HSF2BP: variants seen among roughly 807,000 people sequenced by gnomAD.
HSF2BP encodes the protein heat shock transcription factor 2 binding protein.
Under a neutral mutation model 35.0 loss-of-function variants are expected in HSF2BP, and 35 were observed. That is an observed-to-expected ratio of 1.00 (90% CI 0.76 to 1.32). HSF2BP has a LOEUF of 1.32. Ranked by LOEUF, HSF2BP falls within the 40% of genes most tolerant of loss-of-function variation. The probability of loss-of-function intolerance (pLI) is 0.00; values close to 1 mark genes in which losing one functional copy is unlikely to be tolerated. For missense variants in HSF2BP, 326 were observed against 321.7 expected, an observed-to-expected ratio of 1.01 and a Z score of -0.10; for synonymous variants, 114 against 117.4, an observed-to-expected ratio of 0.97 and a Z score of 0.18.
At position 43,613,839 on chromosome 21, in the gene HSF2BP, T is replaced by C. The variant is rs912010778; in HGVS notation, c.683A>G (p.Lys228Arg). 1.9e-6 allele frequency: 3 copies of C among 1,606,930 alleles called. No individual in the cohort carries two copies. Among genetic ancestry groups the C allele is most frequent in the South Asian group, 1.1e-5 (1 of 90,914 alleles). Reference protein sequence around the residue: ...LGDLKPGQCTKLKVLMLMSLY... With the variant: ...LGDLKPGQCTRLKVLMLMSLY... The stretch of plus-strand genomic sequence containing the variant: ...ACATTATCCACCATACACTTTGAGT[T>C]TGGTACACTGTCCTGGCTTCAAGTC... The change falls in exon 7 of 9, where the codon AAA becomes AGA. Residue 228 changes from lysine (K) to arginine (R), a missense_variant. Lys to Arg is a conservative substitution (Grantham distance 26, BLOSUM62 2). Coordinates refer to ENST00000291560, the MANE Select transcript of HSF2BP (RefSeq NM_007031.2).
At chr21:43,585,639 C>G (rs576856671) in intron 8 of HSF2BP, among the ~76,000 whole-genome samples, 1 of 149,338 alleles carries the variant, frequency 6.7e-6, no homozygotes, top group East Asian at 2.0e-4. Flanking sequence ...GACCAAGACT[C>G]TGTCTCAAAA....
chr21:43,611,513 C>CA (rs2082204240), intron 7 of HSF2BP, among the ~76,000 whole-genome samples: 1 of 152,202 alleles, frequency 6.6e-6, no homozygotes, highest in Non-Finnish European at 1.5e-5. Flanking sequence ...ACTAAACCAG[C>CA]AGAGAGTTTA....
chr21:43,575,018 A>G (rs2081624952), intron 8 of HSF2BP, among the ~76,000 whole-genome samples: 1 of 152,234 alleles, frequency 6.6e-6, no homozygotes, highest in East Asian at 1.9e-4. Context: ...ACCAGGGCAC[A>G]GGAGCAGCAG....
At chr21:43,621,989 G>A (rs528383865) in intron 6 of HSF2BP, among the ~76,000 whole-genome samples, 5 of 152,156 alleles carry the variant, frequency 3.3e-5, no homozygotes, top group African/African-American at 7.2e-5. Flanking sequence ...ATATAAACAC[G>A]TAAATTGAGA....
At chr21:43,613,156 G>C (rs137991460) in intron 7 of HSF2BP, among the ~76,000 whole-genome samples, 1 of 152,186 alleles carries the variant, frequency 6.6e-6, no homozygotes. Flanking sequence ...TAGCAGAAGA[G>C]GAAGTCTCAG....
intron 2 of HSF2BP, 45 bp downstream of exon 2, chr21:43,658,016 C>T: frequency 1.3e-6 from 2 of 1,534,968 alleles, no homozygotes; most frequent in Non-Finnish European, 1.7e-6. Context: ...GAGCGAATGG[C>T]GACGGTTCAA....
the HSF2BP span, among the ~76,000 whole-genome samples, chr21:43,494,964 G>C: frequency 9.0e-6 from 1 of 111,390 alleles, no homozygotes; most frequent in East Asian, 2.2e-4. Context: ...AGGGGGATGT[G>C]TGTGTACGCA....
Position 43,658,292 on chromosome 21 carries a change from TGG to T in HSF2BP, c.-198_-197del, listed in dbSNP as rs1209875232. On this transcript the variant is annotated 5_prime_UTR_variant, in exon 2 of 9. Coordinates refer to ENST00000291560, the MANE Select transcript of HSF2BP (RefSeq NM_007031.2). Reference sequence around the variant, plus strand: ...TGGCGAGGTCCCTCTTTGGCTCTTCTGGCTTAGCCGGGGTTTTAAACTTGTTA... The same window carrying T: ...TGGCGAGGTCCCTCTTTGGCTCTTCTCTTAGCCGGGGTTTTAAACTTGTTA... The T allele has an allele frequency of 3.3e-6, 2 of 607,762 alleles. No individual in the cohort carries two copies. The highest frequency in any genetic ancestry group is 5.5e-6 in the Non-Finnish European group (2 of 360,784). 37.6% of individuals were successfully genotyped at this position (607,762 alleles called of 1,614,324 possible). A position where few individuals can be genotyped will look rare whatever the true frequency, so the allele number is the denominator to read the frequency against.
chr21:43,625,844 T>C (rs768938558), intron 6 of HSF2BP, among the ~76,000 whole-genome samples: 3 of 152,340 alleles, frequency 2.0e-5, no homozygotes, highest in Non-Finnish European at 4.4e-5. Context: ...ACAGCCGCGC[T>C]GAGCTTGAAT....
chr21:43,653,064 G>A (rs1360939931), intron 3 of HSF2BP, among the ~76,000 whole-genome samples: 1 of 152,006 alleles, frequency 6.6e-6, no homozygotes, highest in Non-Finnish European at 1.5e-5. Context: ...GAACCCAGGG[G>A]GCAGAGGTTG....
chr21:43,647,948 A>C (rs917182280), intron 3 of HSF2BP, among the ~76,000 whole-genome samples: 4 of 151,710 alleles, frequency 2.6e-5, no homozygotes, highest in African/African-American at 4.8e-5. Context: ...AAAAAAAAAA[A>C]AAAACTAAAA....
At chr21:43,608,285 C>T (rs770105606) in intron 7 of HSF2BP, among the ~76,000 whole-genome samples, 26 of 152,082 alleles carry the variant, frequency 1.7e-4, no homozygotes, top group Non-Finnish European at 3.2e-4. Flanking sequence ...AAAAAGCAGG[C>T]AAAGGGCAAG....
intron 3 of HSF2BP, among the ~76,000 whole-genome samples, chr21:43,653,531 G>A (rs2082825124): frequency 6.6e-6 from 1 of 152,250 alleles, no homozygotes; most frequent in South Asian, 2.1e-4. Flanking sequence ...AGATTAGGCA[G>A]TGACTCTGAG....
intron 8 of HSF2BP, among the ~76,000 whole-genome samples, chr21:43,572,400 G>T (rs1355464676): frequency 6.6e-6 from 1 of 152,216 alleles, no homozygotes; most frequent in Non-Finnish European, 1.5e-5. Context: ...TAAGCTTGGA[G>T]AAGTGGCCTG....
intron 8 of HSF2BP, 130 bp downstream of exon 8, chr21:43,592,095 T>C (rs533832966): frequency 6.4e-6 from 4 of 623,964 alleles, no homozygotes; most frequent in Admixed American, 5.5e-5. Flanking sequence ...AAATATAGTA[T>C]ATAGAGAGGA....
chr21:43,582,113 A>ATGAGGGCCTGCTGTGGGGG (rs2081753075), intron 8 of HSF2BP, among the ~76,000 whole-genome samples: 2 of 15,438 alleles, frequency 1.3e-4, no homozygotes, highest in Non-Finnish European at 2.2e-4. Flanking sequence ...TGCTGTGGGG[A>ATGAGGGCCTGCTGTGGGGG]ATGAGGCCCT....
intron 8 of HSF2BP, 44 bp downstream of exon 8, chr21:43,592,181 G>T: frequency 1.5e-6 from 2 of 1,326,608 alleles, no homozygotes; most frequent in Non-Finnish European, 2.2e-6. Flanking sequence ...GAGGACTACT[G>T]CATAACCCGT....
chr21:43,597,232 A>G lies in HSF2BP; in HGVS notation c.693-4904T>C, dbSNP rs1418028726. On this transcript the variant is annotated intron_variant, in intron 7 of 8. Coordinates refer to ENST00000291560, the MANE Select transcript of HSF2BP (RefSeq NM_007031.2). The surrounding 1 kb of genome is among the most constrained non-coding windows in gnomAD (Gnocchi z 4.3). ...GACCACATCCAGAGAGCCAGAGCTC[A>G]GGTATGAGTCAGGCAAAGCTGACAG... Among the ~76,000 whole-genome samples, 1 of 152,232 alleles carries G rather than the reference A, an allele frequency of 6.6e-6. No individual in the cohort carries two copies. Among genetic ancestry groups the G allele is most frequent in the Non-Finnish European group, 1.5e-5 (1 of 68,040 alleles).
chr21:43,611,729 T>G (rs1210920186), intron 7 of HSF2BP, among the ~76,000 whole-genome samples: 1 of 152,190 alleles, frequency 6.6e-6, no homozygotes, highest in East Asian at 1.9e-4. Flanking sequence ...ATTTTTTCCT[T>G]ACACCTGAAA....
Sources: gnomAD v4.1 joint callset for allele counts (sites outside exome capture counted in the v4.1 genomes callset) on GRCh38, gnomAD v4.1.1 for gene constraint, Gnocchi (gnomAD v3.1) non-coding constraint, MANE v1.5 for transcripts, NCBI Gene and HGNC (gene_info 2026-07-23, HGNC 2026-07-21) for gene names.